The following KIF26B variants were observed in gnomAD, a reference collection of about 807,000 sequenced individuals.
The protein encoded by KIF26B is kinesin-like protein KIF26B.
A neutral mutation model predicts 151.2 loss-of-function variants in KIF26B; 63 were observed. The ratio of observed to expected loss-of-function variants is 0.42; its 90% CI spans 0.34 to 0.51. The LOEUF is 0.51. Ranked by LOEUF, KIF26B falls within the 20% of genes least tolerant of loss-of-function variation. The pLI is 0.07. For missense variants in KIF26B, 2,813 were observed against 2,913.6 expected (o/e 0.97, Z 0.79); for synonymous variants, 1,357 against 1,262.1 (o/e 1.08, Z -1.59).
chr1:245,441,552 G>A (rs1282012712), intron 4 of KIF26B, among the ~76,000 whole-genome samples: 2 of 152,158 alleles, frequency 1.3e-5, no homozygotes, highest in Non-Finnish European at 2.9e-5. Flanking sequence ...CCTGGGAGGG[G>A]AGGGTTCCAG....
chr1:245,587,255 C>T (rs2043237993), intron 5 of KIF26B, among the ~76,000 whole-genome samples: 1 of 152,144 alleles, frequency 6.6e-6, no homozygotes, highest in Non-Finnish European at 1.5e-5. Context: ...TCATTTGGGT[C>T]CTCACTGAAC....
At chr1:245,510,864 G>A (rs1660819970) in intron 4 of KIF26B, 5 of 544,614 alleles carry the variant, frequency 9.2e-6, no homozygotes, top group Middle Eastern at 6.4e-4. Context: ...GGAGCTCAGT[G>A]AGGCCAGGAT....
intron 10 of KIF26B, among the ~76,000 whole-genome samples, chr1:245,662,645 C>T (rs1228562277): frequency 1.1e-5 from 1 of 92,782 alleles, no homozygotes; most frequent in Non-Finnish European, 2.4e-5. Flanking sequence ...TATACACACA[C>T]ACACATCCAA....
At chr1:245,565,017 C>T (rs2042995724) in intron 5 of KIF26B, among the ~76,000 whole-genome samples, 2 of 152,160 alleles carry the variant, frequency 1.3e-5, no homozygotes, top group Admixed American at 1.3e-4. Context: ...GAGCCCTGCT[C>T]TGTTACAGAG....
intron 3 of KIF26B, among the ~76,000 whole-genome samples, chr1:245,403,816 G>A (rs1674067555): frequency 1.3e-5 from 2 of 152,242 alleles, no homozygotes; most frequent in Admixed American, 1.3e-4. Context: ...ATTTAGGGAA[G>A]TAAAAGTTAC....
At chr1:245,593,040 A>G (rs1228851926) in intron 5 of KIF26B, among the ~76,000 whole-genome samples, 1 of 152,206 alleles carries the variant, frequency 6.6e-6, no homozygotes, top group African/African-American at 2.4e-5. Flanking sequence ...TGGTACCCCA[A>G]AAAACTTCTG....
chr1:245,349,043 T>C (rs544667484), intron 2 of KIF26B, among the ~76,000 whole-genome samples: 135 of 152,316 alleles, frequency 8.9e-4, no homozygotes, highest in African/African-American at 3.0e-3. Flanking sequence ...CTGTGTGTGC[T>C]TGTTTACTGG....
At chr1:245,461,054 C>T (rs1659636481) in intron 4 of KIF26B, among the ~76,000 whole-genome samples, 1 of 152,178 alleles carries the variant, frequency 6.6e-6, no homozygotes, top group Non-Finnish European at 1.5e-5. Flanking sequence ...ATCTTCCTTC[C>T]ATTCTCGTGA....
At position 245,220,944 on chromosome 1, in the gene KIF26B, G is replaced by A. The variant is rs115339972; in HGVS notation, c.465+64261G>A. 6.8e-3 allele frequency among the ~76,000 whole-genome samples: 1,028 copies of A among 152,168 alleles called. 12 individuals are homozygous for A. The highest frequency in any genetic ancestry group is 0.023 in the African/African-American group (955 of 41,492). ...TTGAAGCCTGGGAAAGAAGGGGATC[G>A]GGAAGGAGCAGGCCCCAGGGATTAC... On this transcript the variant is annotated intron_variant, in intron 2 of 14. Coordinates refer to ENST00000407071, the MANE Select transcript of KIF26B (RefSeq NM_018012.4).
At chr1:245,212,258 G>A (rs748684743) in intron 2 of KIF26B, among the ~76,000 whole-genome samples, 25 of 152,152 alleles carry the variant, frequency 1.6e-4, no homozygotes, top group Non-Finnish European at 3.2e-4. Context: ...CATTTTAAAG[G>A]TGGGTAATTG....
intron 9 of KIF26B, among the ~76,000 whole-genome samples, chr1:245,625,567 G>A (rs1160897795): frequency 6.6e-6 from 1 of 152,122 alleles, no homozygotes; most frequent in Non-Finnish European, 1.5e-5. Flanking sequence ...AATGTGTGAT[G>A]ATCAATCAGG....
chr1:245,449,580 T>G (rs1240718597), intron 4 of KIF26B, among the ~76,000 whole-genome samples: 1 of 152,224 alleles, frequency 6.6e-6, no homozygotes, highest in Non-Finnish European at 1.5e-5. Flanking sequence ...CACTTTGTAC[T>G]GTTAATCAGT....
At chr1:245,591,876 T>TG (rs2043292079) in intron 5 of KIF26B, among the ~76,000 whole-genome samples, 3 of 152,102 alleles carry the variant, frequency 2.0e-5, no homozygotes, top group South Asian at 4.2e-4. Context: ...TGCTAATTGG[T>TG]GGGGGGACCT....
intron 2 of KIF26B, among the ~76,000 whole-genome samples, chr1:245,340,873 G>A (rs1672319834): frequency 6.6e-6 from 1 of 152,208 alleles, no homozygotes; most frequent in Non-Finnish European, 1.5e-5. Context: ...CACGATCTAA[G>A]GGAGGGAACA....
At chr1:245,297,887 G>GTTTA (rs1671365296) in intron 2 of KIF26B, among the ~76,000 whole-genome samples, 1 of 151,798 alleles carries the variant, frequency 6.6e-6, no homozygotes, top group African/African-American at 2.4e-5. Flanking sequence ...TTGTTTGTTT[G>GTTTA]TTTGTTTGTT....
chr1:245,675,901 G>A (rs2044352028), intron 10 of KIF26B, among the ~76,000 whole-genome samples: 1 of 152,106 alleles, frequency 6.6e-6, no homozygotes, highest in South Asian at 2.1e-4. Context: ...TTATTAAAAA[G>A]AAGATTTAAG....
intron 4 of KIF26B, among the ~76,000 whole-genome samples, chr1:245,447,449 A>C (rs1018310487): frequency 6.6e-6 from 1 of 152,234 alleles, no homozygotes; most frequent in Non-Finnish European, 1.5e-5. Flanking sequence ...CTTGATCTTC[A>C]ATGCTATAGT....
intron 2 of KIF26B, among the ~76,000 whole-genome samples, chr1:245,300,545 T>TC (rs1429266006): frequency 6.6e-6 from 1 of 151,970 alleles, no homozygotes; most frequent in African/African-American, 2.4e-5. Context: ...TTTTTTTTTT[T>TC]TGAGGCAGAG....
intron 4 of KIF26B, among the ~76,000 whole-genome samples, chr1:245,472,879 A>G (rs944598226): frequency 1.3e-5 from 2 of 152,224 alleles, no homozygotes; most frequent in African/African-American, 4.8e-5. Flanking sequence ...TTCTCTAAAC[A>G]GTGGGCTCCC....
Sources: allele counts gnomAD v4.1 joint callset (sites outside exome capture counted in the v4.1 genomes callset), GRCh38; gene constraint gnomAD v4.1.1; transcripts MANE v1.5; gene names NCBI Gene and HGNC (gene_info 2026-07-23, HGNC 2026-07-21).